The following PHF2 variants were observed in gnomAD, a reference collection of about 807,000 sequenced individuals.
The protein encoded by PHF2 is PHD finger protein 2.
PHF2 carries 27 observed loss-of-function variants against 120.5 expected under a neutral mutation model. The observed-to-expected ratio is 0.22, with a 90% CI of 0.17 to 0.31. The LOEUF (loss-of-function observed/expected upper bound fraction) is 0.31. Among genes scored for constraint, PHF2 ranks in the 10% least tolerant of loss-of-function variants. The pLI, the probability that PHF2 is intolerant of heterozygous loss-of-function variation, is 1.00. For synonymous variants in PHF2, 568 were observed against 592.5 expected, an observed-to-expected ratio of 0.96 and a Z score of 0.60; for missense variants, 1,024 against 1,434.8, an observed-to-expected ratio of 0.71 and a Z score of 4.63.
chr9:93,608,438 T>TA (rs1164627449), intron 1 of PHF2, among the ~76,000 whole-genome samples: 1 of 151,764 alleles, frequency 6.6e-6, no homozygotes, highest in African/African-American at 2.4e-5. Flanking sequence ...GTTTTAGTAT[T>TA]AGGGTAATTC....
At chr9:93,645,189 T>C (rs1826234402) in intron 3 of PHF2, among the ~76,000 whole-genome samples, 1 of 152,206 alleles carries the variant, frequency 6.6e-6, no homozygotes, top group Non-Finnish European at 1.5e-5. Context: ...TGAGCTGTGA[T>C]TCGGTGGCCC....
rs561254505 is a variant in PHF2 at position 93,676,452 on chromosome 9, C to A, written c.2833-142C>A. ...GTCCGTGTGCATGCTGTGCCCCTGG[C>A]GGCCCAGAGTCAGGCCTCAGGCCCC... On this transcript the variant is annotated intron_variant, in intron 20 of 21. Transcript: ENST00000359246. 34 of 922,784 alleles carry A rather than the reference C, an allele frequency of 3.7e-5. No individual in the cohort carries two copies. In the African/African-American group the frequency reaches 5.3e-4, roughly 14 times the overall value. The allele number at this position is 922,784 out of a possible 1,614,324, so 57.2% of individuals were successfully genotyped here. A position where few individuals can be genotyped will look rare whatever the true frequency, so the allele number is the denominator to read the frequency against.
At chr9:93,603,601 A>T (rs1825485308) in intron 1 of PHF2, among the ~76,000 whole-genome samples, 1 of 152,074 alleles carries the variant, frequency 6.6e-6, no homozygotes, top group Admixed American at 6.5e-5. Flanking sequence ...TGCAGACCTT[A>T]TGGGGCCTGG....
intron 14 of PHF2, among the ~76,000 whole-genome samples, chr9:93,664,834 C>A (rs1403211103): frequency 1.3e-5 from 2 of 152,246 alleles, no homozygotes; most frequent in African/African-American, 4.8e-5. Context: ...CCTGTGGACA[C>A]GTGTGTTCTG....
At chr9:93,638,394 G>GT (rs1466851461) in intron 3 of PHF2, among the ~76,000 whole-genome samples, 1 of 152,150 alleles carries the variant, frequency 6.6e-6, no homozygotes, top group Non-Finnish European at 1.5e-5. Context: ...TCTTCTAAGA[G>GT]TTTTGTAGTT....
intron 1 of PHF2, among the ~76,000 whole-genome samples, chr9:93,612,392 C>T (rs1047169100): frequency 2.0e-5 from 3 of 152,212 alleles, no homozygotes; most frequent in Non-Finnish European, 2.9e-5. Context: ...GTGAGGCACA[C>T]CCTAAAGGTC....
chr9:93,660,555 G>A lies in PHF2; in HGVS notation c.1693G>A (p.Gly565Ser), dbSNP rs765745296. Residue 565 changes from glycine to serine, a missense_variant, in exon 12 of 22, where the codon GGC becomes AGC. Around this residue, in one of 2 missense-constraint regions of PHF2, gnomAD observed 677 missense variants for 857.4 expected, o/e 0.79. Transcript: ENST00000359246. ...GACCAAGATGGAGCCGCCCAAGAAG[G>A]GCAAGGTGGGACCCCCTCACCCTGA... The part of the protein sequence containing the change: ...ALTKMEPPKK[G>S]KATKSVLSVP... 2 of 1,557,728 alleles carry A rather than the reference G, an allele frequency of 1.3e-6. No homozygotes were observed. Among genetic ancestry groups the A allele is most frequent in the South Asian group, 1.2e-5 (1 of 80,022 alleles).
At chr9:93,580,907 C>T (rs887715934) in intron 1 of PHF2, among the ~76,000 whole-genome samples, 10 of 152,168 alleles carry the variant, frequency 6.6e-5, no homozygotes, top group East Asian at 1.9e-4. Flanking sequence ...GACTGTCCCC[C>T]GTGTTGCATG....
chr9:93,648,924 G>T, intron 4 of PHF2, 147 bp from the exon 5 acceptor site: 1 of 765,872 alleles, frequency 1.3e-6, no homozygotes, highest in Non-Finnish European at 2.1e-6. Flanking sequence ...GCTCGACGTT[G>T]GCACCTAGAG....
chr9:93,604,201 C>T lies in PHF2; in HGVS notation c.99-25769C>T, dbSNP rs139689928. Among the ~76,000 whole-genome samples the T allele has an allele frequency of 1.3e-3, 202 of 152,212 alleles. No individual in the cohort carries two copies. The East Asian group carries it at 0.025, about 19-fold the overall frequency. ...GAGGCCTGCAGGGCTGAGGTCTGGG[C>T]AAGGGTGGCATAGTGCAGGTGCCGG... On this transcript the variant is annotated intron_variant, in intron 1 of 21. Coordinates refer to ENST00000359246, the MANE Select transcript of PHF2 (RefSeq NM_005392.4).
rs867281298 is a variant in PHF2 at position 93,675,716 on chromosome 9, C to G, written c.2759C>G (p.Pro920Arg). Reference sequence around the variant, plus strand: ...CCATCGGTGCCAAGACAGGACAGGCCTGTGCGTGAGGGTACACGGGTGGCT... The same window carrying G: ...CCATCGGTGCCAAGACAGGACAGGCGTGTGCGTGAGGGTACACGGGTGGCT... ...VGPSVPRQDR[P>R]VREGTRVASI... Residue 920 changes from proline (P) to arginine (R), a missense_variant, in exon 20 of 22, where the codon CCT becomes CGT. Pro to Arg is a moderately radical substitution (Grantham distance 103). This residue lies in a region of PHF2 where 677 missense variants were observed against 857.4 expected (regional missense o/e 0.79). Coordinates refer to ENST00000359246, the MANE Select transcript of PHF2 (RefSeq NM_005392.4). 1.9e-6 allele frequency: 3 copies of G among 1,613,382 alleles called. No homozygotes were observed. The Middle Eastern group carries it at 5.0e-4, about 266-fold the overall frequency.
chr9:93,640,293 C>T (rs956052842), intron 3 of PHF2, among the ~76,000 whole-genome samples: 1 of 152,122 alleles, frequency 6.6e-6, no homozygotes, highest in Non-Finnish European at 1.5e-5. Flanking sequence ...TGCATTTTCT[C>T]TTCCTTTTTA....
At chr9:93,630,528 A>G (rs1173812793) in intron 2 of PHF2, among the ~76,000 whole-genome samples, 1 of 151,698 alleles carries the variant, frequency 6.6e-6, no homozygotes, top group Non-Finnish European at 1.5e-5. Context: ...CATGCCACCC[A>G]CCTCTTCCTC....
chr9:93,623,095 G>A (rs1825851427), intron 1 of PHF2, among the ~76,000 whole-genome samples: 3 of 152,176 alleles, frequency 2.0e-5, no homozygotes, highest in Admixed American at 2.0e-4. Context: ...GTGGACATGG[G>A]GCATGGGTGT....
rs189948365 is a variant in PHF2 at position 93,589,822 on chromosome 9, G to A, written c.98+12951G>A. Among the ~76,000 whole-genome samples, 16 of 152,278 alleles carry A rather than the reference G, an allele frequency of 1.1e-4. No homozygotes were observed. The East Asian group carries it at 2.1e-3, about 20-fold the overall frequency. On this transcript the variant is annotated intron_variant, in intron 1 of 21. Transcript: ENST00000359246. ...ACTCCCAGCTCCAGTGATGTCTCAT[G>A]TTTCCACAGCCACCCCCTTTCCCTC...
chr9:93,577,268 C>T (rs1862841318), intron 1 of PHF2, among the ~76,000 whole-genome samples: 1 of 151,508 alleles, frequency 6.6e-6, no homozygotes, highest in Non-Finnish European at 1.5e-5. Flanking sequence ...GCCGCCTCCC[C>T]CCTGCGAAGT....
chr9:93,652,493 A>G (rs1274371069), intron 5 of PHF2, among the ~76,000 whole-genome samples: 2 of 151,882 alleles, frequency 1.3e-5, no homozygotes, highest in South Asian at 2.1e-4. Flanking sequence ...GTGTTTCACC[A>G]TGTTGGCCAG....
At chr9:93,632,063 T>C (rs573248678) in intron 2 of PHF2, among the ~76,000 whole-genome samples, 7 of 152,234 alleles carry the variant, frequency 4.6e-5, no homozygotes, top group African/African-American at 1.7e-4. Flanking sequence ...TTGATTTCTC[T>C]AATGTCCCCA....
At chr9:93,631,973 TTGCA>T (rs1326945076) in intron 2 of PHF2, among the ~76,000 whole-genome samples, 3 of 152,112 alleles carry the variant, frequency 2.0e-5, no homozygotes, top group African/African-American at 7.2e-5. Flanking sequence ...TTGGGGGCTC[TTGCA>T]TGAGTTGGGG....
Sources: allele counts gnomAD v4.1 joint callset (sites outside exome capture counted in the v4.1 genomes callset), GRCh38; gene constraint gnomAD v4.1.1; regional missense constraint gnomAD v4.1.1; transcripts MANE v1.5; gene names NCBI Gene and HGNC (gene_info 2026-07-23, HGNC 2026-07-21).